ALDH1L1: variants seen among roughly 807,000 people sequenced by gnomAD.
ALDH1L1 encodes aldehyde dehydrogenase 1 family member L1, also known as cytosolic 10-formyltetrahydrofolate dehydrogenase.
Under a neutral mutation model 101.1 loss-of-function variants are expected in ALDH1L1, and 68 were observed. The observed-to-expected ratio is 0.67, with a 90% CI of 0.55 to 0.82. The LOEUF (loss-of-function observed/expected upper bound fraction) is 0.82, where lower values mean the gene tolerates loss of function less well. Ranked by LOEUF, ALDH1L1 falls within the 40% of genes least tolerant of loss-of-function variation. The probability of loss-of-function intolerance (pLI) is 0.00; values close to 1 mark genes in which losing one functional copy is unlikely to be tolerated. For synonymous variants in ALDH1L1, 486 were observed against 470.8 expected (o/e 1.03, Z -0.42); for missense variants, 1,087 against 1,172.7 (o/e 0.93, Z 1.07).
chr3:126,114,536 C>G, intron 18 of ALDH1L1, 21 bp downstream of exon 18: 2 of 1,483,072 alleles, frequency 1.3e-6, no homozygotes, highest in Non-Finnish European at 1.8e-6. Context: ...TGTCCCTGCC[C>G]CCTCCAGGCC....
chr3:126,125,382 G>A (rs534444660), intron 15 of ALDH1L1, among the ~76,000 whole-genome samples: 1 of 152,304 alleles, frequency 6.6e-6, no homozygotes, highest in African/African-American at 2.4e-5. Context: ...TTCCAGCACA[G>A]CCAGATGGCC....
At chr3:126,165,747 A>G (rs182152388) in intron 1 of ALDH1L1, among the ~76,000 whole-genome samples, 210 of 152,154 alleles carry the variant, frequency 1.4e-3, no homozygotes, top group African/African-American at 4.8e-3. Context: ...ATCTTTTCTA[A>G]TTTCTGTGGA....
intron 17 of ALDH1L1, among the ~76,000 whole-genome samples, chr3:126,116,528 G>C (rs747968505): frequency 1.1e-4 from 16 of 152,276 alleles, no homozygotes; most frequent in Non-Finnish European, 2.2e-4. Flanking sequence ...CCTCACCCTG[G>C]ACTTGACTCA....
At chr3:126,191,161 G>T (rs1992857) in intron 1 of ALDH1L1, among the ~76,000 whole-genome samples, 94,701 of 152,066 alleles carry the variant, frequency 0.62, 29,564 homozygotes, top group Middle Eastern at 0.67. Context: ...GAGTGCAACA[G>T]CTTAGATGGA....
At chr3:126,158,071 C>CCCCTGCGCCTCCTGGTGCCCTCTCTGT (rs1038361412) in intron 3 of ALDH1L1, among the ~76,000 whole-genome samples, 47 of 152,146 alleles carry the variant, frequency 3.1e-4, no homozygotes, top group Non-Finnish European at 5.1e-4. Flanking sequence ...GGCACCCTGG[C>CCCCTGCGCCTCCTGGTGCCCTCTCTGT]CCCTGCGCCT....
chr3:126,151,566 A>T (rs765036275), intron 7 of ALDH1L1: 13 of 152,196 alleles, frequency 8.5e-5, no homozygotes, highest in Non-Finnish European at 1.6e-4. Context: ...TGCTTTTGTT[A>T]GGGGCCAGGA....
At chr3:126,117,659 AAAAC>A (rs1309085245) in intron 17 of ALDH1L1, among the ~76,000 whole-genome samples, 1 of 133,966 alleles carries the variant, frequency 7.5e-6, no homozygotes, top group African/African-American at 3.2e-5. Context: ...CTCAAAAAAA[AAAAC>A]AACAACAAAA....
intron 3 of ALDH1L1, 115 bp downstream of exon 3, chr3:126,158,290 T>C: frequency 9.6e-7 from 1 of 1,037,906 alleles, no homozygotes; most frequent in Non-Finnish European, 1.4e-6. Flanking sequence ...GACAGGCACC[T>C]GCACGATGCC....
At position 126,134,221 on chromosome 3, in the gene ALDH1L1, G is replaced by A. The variant is rs542309071; in HGVS notation, c.1472+1314C>T. 8.7e-4 allele frequency among the ~76,000 whole-genome samples: 133 copies of A among 152,300 alleles called. No homozygotes were observed. In the Middle Eastern group the frequency reaches 0.01, roughly 12 times the overall value. ...GTAATGGGCACTCCCAGGTCTTCAC[G>A]GGGCCTGAGAGTTTGCATAGGACAG... On this transcript the variant is annotated intron_variant, in intron 12 of 22. Transcript: ENST00000393434.
At chr3:126,121,978 ACCT>A (rs1263936957) in intron 16 of ALDH1L1, among the ~76,000 whole-genome samples, 1 of 152,160 alleles carries the variant, frequency 6.6e-6, no homozygotes, top group Non-Finnish European at 1.5e-5. Flanking sequence ...GGAAGACTCT[ACCT>A]CAGGTGTGCC....
chr3:126,189,874 G>C (rs936647336), intron 1 of ALDH1L1, among the ~76,000 whole-genome samples: 4 of 152,138 alleles, frequency 2.6e-5, no homozygotes, highest in South Asian at 4.2e-4. Flanking sequence ...TAGTGCCTTT[G>C]GCCAAGGCAA....
chr3:126,112,909 C>A, intron 18 of ALDH1L1, 29 bp from the exon 19 acceptor site: 1 of 1,603,436 alleles, frequency 6.2e-7, no homozygotes, highest in South Asian at 1.1e-5. Flanking sequence ...AACACCAGGT[C>A]ACTGCTCCTC....
chr3:126,168,820 G>C (rs562665917), intron 1 of ALDH1L1, among the ~76,000 whole-genome samples: 2 of 152,180 alleles, frequency 1.3e-5, no homozygotes, highest in South Asian at 2.1e-4. Context: ...GATGTCTAAG[G>C]TTCTTATGTC....
In ALDH1L1 at chr3:126,105,773, GC is replaced by G; in HGVS notation, c.2605del (p.Ala869ProfsTer16). 6.2e-7 allele frequency: 1 copy of G among 1,614,194 alleles called. No homozygotes were observed. The highest frequency in any genetic ancestry group is 8.5e-7 in the Non-Finnish European group (1 of 1,180,030). On this transcript the variant is annotated frameshift_variant, in exon 22 of 23. Transcript: ENST00000393434. LOFTEE classifies it high-confidence loss of function. Reference sequence around the variant, plus strand: ...CTGTTTGAATCCTCCGAAGGGAGCGGCCACGTCGGTCTTGTTGTACGTGTTG... The same window carrying G: ...CTGTTTGAATCCTCCGAAGGGAGCGGCACGTCGGTCTTGTTGTACGTGTTG... ...FVNTYNKTDV[A>X]APFGGFKQSG...
chr3:126,162,571 T>C (rs971656138), intron 1 of ALDH1L1, among the ~76,000 whole-genome samples: 3 of 152,242 alleles, frequency 2.0e-5, no homozygotes, highest in African/African-American at 7.2e-5. Context: ...GTTTTGTTTT[T>C]TAATCATCTA....
upstream of ALDH1L1, among the ~76,000 whole-genome samples, chr3:126,184,941 A>G (rs2081504952): frequency 6.6e-6 from 1 of 152,166 alleles, no homozygotes; most frequent in Non-Finnish European, 1.5e-5. Flanking sequence ...TGCCTCGTTC[A>G]GATGCTTCTA....
intron 1 of ALDH1L1, among the ~76,000 whole-genome samples, chr3:126,163,047 G>A (rs142580243): frequency 4.6e-5 from 7 of 152,254 alleles, no homozygotes; most frequent in African/African-American, 1.4e-4. Flanking sequence ...TTGTTGTAGT[G>A]GTGAAGATAC....
intron 9 of ALDH1L1, among the ~76,000 whole-genome samples, 162 bp from the exon 10 acceptor site, chr3:126,138,122 T>C (rs2080490750): frequency 6.6e-6 from 1 of 152,156 alleles, no homozygotes. Context: ...GGCTGTGGAC[T>C]CAGATGGTCC....
chr3:126,190,763 T>C (rs1992854), intron 1 of ALDH1L1, among the ~76,000 whole-genome samples: 94,645 of 152,002 alleles, frequency 0.62, 29,538 homozygotes, highest in Middle Eastern at 0.67. Flanking sequence ...AGTTCATTTA[T>C]TTGGAGTTCA....
Sources: gnomAD v4.1 joint callset for allele counts (sites outside exome capture counted in the v4.1 genomes callset) on GRCh38, gnomAD v4.1.1 for gene constraint, MANE v1.5 for transcripts, NCBI Gene and HGNC (gene_info 2026-07-23, HGNC 2026-07-21) for gene names.